Variants in CBFB observed in about 807,000 individuals in gnomAD.
The protein encoded by CBFB is core-binding factor subunit beta.
Under a neutral mutation model 30.4 loss-of-function variants are expected in CBFB, and 9 were observed. The ratio of observed to expected loss-of-function variants is 0.30; its 90% CI spans 0.18 to 0.52. The LOEUF (loss-of-function observed/expected upper bound fraction) is 0.52. Ranked by LOEUF, CBFB falls within the 20% of genes least tolerant of loss-of-function variation. The probability of loss-of-function intolerance (pLI) is 0.97; values close to 1 mark genes in which losing one functional copy is unlikely to be tolerated. For missense variants in CBFB, 170 were observed against 244.0 expected, an observed-to-expected ratio of 0.70 and a Z score of 2.02; for synonymous variants, 94 against 84.0, an observed-to-expected ratio of 1.12 and a Z score of -0.65.
Position 67,064,310 on chromosome 16 carries a change from G to A in CBFB, c.283-2372G>A, listed in dbSNP as rs189935533. On this transcript the variant is annotated intron_variant, in intron 3 of 5. Transcript: ENST00000412916. ...CAACCTCTGCCTCCTGGGTTCAAGC[G>A]ATTCTCCTGTCTCAGCCTCCCAAGT... 3.3e-5 allele frequency among the ~76,000 whole-genome samples: 5 copies of A among 152,226 alleles called. No homozygotes were observed. The East Asian group carries it at 5.8e-4, about 18-fold the overall frequency.
chr16:67,075,197 A>ATATATG (rs369475383), intron 4 of CBFB, among the ~76,000 whole-genome samples: 1 of 142,662 alleles, frequency 7.0e-6, no homozygotes. Flanking sequence ...CTCAAAAAAA[A>ATATATG]TGTGTGTGTG....
intron 3 of CBFB, among the ~76,000 whole-genome samples, chr16:67,046,166 G>A (rs1255154944): frequency 6.6e-6 from 1 of 151,146 alleles, no homozygotes; most frequent in East Asian, 2.0e-4. Flanking sequence ...GAGTGCAGTG[G>A]TGTGATCTTG....
In CBFB at chr16:67,100,682, A is replaced by C. The variant is rs532819321; in HGVS notation, c.*1904A>C. On this transcript the variant is annotated 3_prime_UTR_variant, in exon 6 of 6. Transcript: ENST00000412916. ...GATGGTACATTTTCCTCTATTGTCT[A>C]GCTAAGGGCTTTCGGTCCACCAGTA... The C allele has an allele frequency of 4.6e-6, 1 of 219,722 alleles. No individual in the cohort carries two copies. The highest frequency in any genetic ancestry group is 1.9e-4 in the South Asian group (1 of 5,378). The allele number at this position is 219,722 out of a possible 1,614,324, so 13.6% of individuals were successfully genotyped here. A position where few individuals can be genotyped will look rare whatever the true frequency, so the allele number is the denominator to read the frequency against.
rs76291468 is a variant in CBFB at position 67,069,773 on chromosome 16, C to T, written c.399+2975C>T. Among the ~76,000 whole-genome samples, 377 of 152,284 alleles carry T rather than the reference C, an allele frequency of 2.5e-3. 2 individuals are homozygous for T. The highest frequency in any genetic ancestry group is 8.4e-3 in the African/African-American group (351 of 41,562). On this transcript the variant is annotated intron_variant, in intron 4 of 5. Transcript: ENST00000412916. ...ACGGTAAGATTAACAGCTGACTTCT[C>T]TTGAAATCATAGAGGCTAGAAAGTT...
At chr16:67,062,172 A>C (rs2145745068) in intron 3 of CBFB, among the ~76,000 whole-genome samples, 1 of 151,932 alleles carries the variant, frequency 6.6e-6, no homozygotes, top group Non-Finnish European at 1.5e-5. Context: ...TTTATAAGGA[A>C]ATTTTTTTTT....
chr16:67,042,466 A>G (rs1351575235), intron 3 of CBFB, among the ~76,000 whole-genome samples: 2 of 152,218 alleles, frequency 1.3e-5, no homozygotes, highest in Admixed American at 1.3e-4. Flanking sequence ...TAACAAATGT[A>G]TGCACCCATG....
chr16:67,066,438 T>C (rs1472224806), intron 3 of CBFB, among the ~76,000 whole-genome samples: 1 of 147,170 alleles, frequency 6.8e-6, no homozygotes, highest in Non-Finnish European at 1.5e-5. Context: ...TGAGCGCCTG[T>C]AATCCCAGCT....
At chr16:67,067,944 A>G (rs1333114928) in intron 4 of CBFB, among the ~76,000 whole-genome samples, 1 of 152,176 alleles carries the variant, frequency 6.6e-6, no homozygotes, top group Non-Finnish European at 1.5e-5. Context: ...TGCATGTACA[A>G]GGCTACACCT....
chr16:67,094,218 A>G (rs902366578), intron 5 of CBFB, among the ~76,000 whole-genome samples: 1 of 151,246 alleles, frequency 6.6e-6, no homozygotes, highest in Non-Finnish European at 1.5e-5. Context: ...CTAAGCCTCC[A>G]AAGTGCTGGA....
intron 3 of CBFB, among the ~76,000 whole-genome samples, chr16:67,064,980 C>G (rs567035377): frequency 6.6e-6 from 1 of 152,272 alleles, no homozygotes; most frequent in East Asian, 1.9e-4. Context: ...TCACTGCAAT[C>G]TCTGCCTCCC....
intron 2 of CBFB, among the ~76,000 whole-genome samples, chr16:67,030,969 C>T (rs1178860537): frequency 1.3e-5 from 2 of 152,156 alleles, no homozygotes; most frequent in African/African-American, 4.8e-5. Flanking sequence ...GGACTCACTG[C>T]ATTGTTAGAG....
intron 4 of CBFB, among the ~76,000 whole-genome samples, chr16:67,072,115 G>A (rs1961239142): frequency 6.6e-6 from 1 of 152,114 alleles, no homozygotes; most frequent in African/African-American, 2.4e-5. Flanking sequence ...TAGGATGAGA[G>A]TGACCATATT....
intron 3 of CBFB, among the ~76,000 whole-genome samples, chr16:67,053,855 T>A: frequency 6.6e-6 from 1 of 151,924 alleles, no homozygotes; most frequent in African/African-American, 2.4e-5. Context: ...TTTTTTTTTT[T>A]TTTTAATTTC....
intron 5 of CBFB, among the ~76,000 whole-genome samples, chr16:67,086,057 G>C (rs182132077): frequency 1.3e-5 from 2 of 152,150 alleles, no homozygotes; most frequent in African/African-American, 4.8e-5. Flanking sequence ...AGCAGCTGAG[G>C]ATGTCCCCAA....
chr16:67,033,613 C>CTTT (rs1186367448), intron 2 of CBFB, among the ~76,000 whole-genome samples: 2 of 139,636 alleles, frequency 1.4e-5, no homozygotes, highest in African/African-American at 2.6e-5. Flanking sequence ...CTTATCAATT[C>CTTT]TTTTTTTTTT....
At chr16:67,077,226 A>T (rs979653418) in intron 4 of CBFB, among the ~76,000 whole-genome samples, 32 of 152,334 alleles carry the variant, frequency 2.1e-4, no homozygotes, top group African/African-American at 7.5e-4. Flanking sequence ...TTTCACGTTC[A>T]GTATAATGAC....
chr16:67,077,277 A>G (rs1044539563), intron 4 of CBFB, among the ~76,000 whole-genome samples: 12 of 152,244 alleles, frequency 7.9e-5, no homozygotes, highest in African/African-American at 2.9e-4. Flanking sequence ...GATTAGAAAA[A>G]TTGAACCATT....
intron 5 of CBFB, among the ~76,000 whole-genome samples, chr16:67,091,640 A>AT (rs1235261986): frequency 1.3e-5 from 2 of 152,136 alleles, no homozygotes; most frequent in African/African-American, 2.4e-5. Flanking sequence ...TAAGAACTAT[A>AT]TTTTTTGACA....
At position 67,039,790 on chromosome 16, in the gene CBFB, C is replaced by T. The variant is rs148268292; in HGVS notation, c.282+3035C>T. 1.4e-4 allele frequency among the ~76,000 whole-genome samples: 21 copies of T among 152,216 alleles called. No homozygotes were observed. The East Asian group carries it at 3.9e-3, about 28-fold the overall frequency. ...GCTTTCAGTCTCTGTCACAACTACT[C>T]ATCTCTGTAACTCTGCTGTTGTGGT... On this transcript the variant is annotated intron_variant, in intron 3 of 5. Transcript: ENST00000412916.
Sources: allele counts gnomAD v4.1 joint callset (sites outside exome capture counted in the v4.1 genomes callset), GRCh38; gene constraint gnomAD v4.1.1; transcripts MANE v1.5; gene names NCBI Gene and HGNC (gene_info 2026-07-23, HGNC 2026-07-21).